Variants in SNED1 observed in about 807,000 individuals in gnomAD.
SNED1 encodes the protein sushi, nidogen and EGF like domains 1.
A neutral mutation model predicts 166.7 loss-of-function variants in SNED1; 81 were observed. The observed-to-expected ratio is 0.49, with a 90% CI of 0.41 to 0.58. SNED1 has a LOEUF of 0.58. Among genes scored for constraint, SNED1 ranks in the 20% least tolerant of loss-of-function variants. The pLI, the probability that SNED1 is intolerant of heterozygous loss-of-function variation, is 0.00. For synonymous variants in SNED1, 762 were observed against 822.0 expected (o/e 0.93, Z 1.25); for missense variants, 1,604 against 2,000.2 (o/e 0.80, Z 3.78).
chr2:241,073,278 C>T lies in SNED1; in HGVS notation c.3830C>T (p.Ser1277Leu), dbSNP rs1234525721. The T allele has an allele frequency of 1.0e-5, 16 of 1,558,776 alleles. No homozygotes were observed. Among genetic ancestry groups the T allele is most frequent in the Middle Eastern group, 3.3e-4 (2 of 6,016 alleles). The change falls in exon 27 of 32, where the codon TCG becomes TTG. Residue 1277 changes from serine to leucine, a missense_variant. Physicochemically the swap from Ser to Leu is moderately radical, Grantham distance 145. Around this residue, in one of 2 missense-constraint regions of SNED1, gnomAD observed 367 missense variants for 379.4 expected, o/e 0.97. Transcript: ENST00000310397. The surrounding 1 kb of genome is among the most constrained non-coding windows in gnomAD (Gnocchi z 6.6). ...TGGCTTCTCCTAGAACCCACAGCCT[C>T]GGCGCAGCTCGAGAACATGGAGGAA... is the stretch of plus-strand genomic sequence containing the variant. ...AATVRSQPTA[S>L]AQLENMEEAP...
chr2:241,049,808 C>G lies in SNED1; in HGVS notation c.1619-9C>G. The G allele has an allele frequency of 6.2e-7, 1 of 1,609,022 alleles. No homozygotes were observed. Among genetic ancestry groups the G allele is most frequent in the South Asian group, 1.1e-5 (1 of 90,984 alleles). On this transcript the variant is annotated splice_polypyrimidine_tract_variant and intron_variant, in intron 11 of 31. Coordinates refer to ENST00000310397, the MANE Select transcript of SNED1 (RefSeq NM_001080437.3). ...AGCTCCAGGACCACCCTCTGTCCCC[C>G]GCCCCCAGCCCTGCCATCACCCTGC... is the stretch of plus-strand genomic sequence containing the variant.
intron 27 of SNED1, among the ~76,000 whole-genome samples, chr2:241,080,239 G>A (rs894901089): frequency 4.6e-5 from 7 of 152,148 alleles, no homozygotes; most frequent in Admixed American, 1.3e-4. Flanking sequence ...AGCTGAGATC[G>A]CGACACTGCA....
chr2:241,065,960 G>A (rs879874944), intron 21 of SNED1, among the ~76,000 whole-genome samples: 2 of 152,132 alleles, frequency 1.3e-5, no homozygotes, highest in South Asian at 2.1e-4. Flanking sequence ...GGCTTGGGGG[G>A]GCTGGGACTC....
At chr2:241,076,536 T>C (rs2063027457) in intron 27 of SNED1, among the ~76,000 whole-genome samples, 1 of 152,210 alleles carries the variant, frequency 6.6e-6, no homozygotes, top group Non-Finnish European at 1.5e-5. Context: ...GTTTTCTATA[T>C]ATATATAAAA....
rs1228692569 is a variant in SNED1 at position 240,999,351 on chromosome 2, G to C, written c.213+301G>C. ...TCTTCCCGGCGCCTGATTCCCAGGG[G>C]AGAGCAGGGGTCCTGGTACTGCCCT... On this transcript the variant is annotated intron_variant, in intron 1 of 31. Transcript: ENST00000310397. The surrounding 1 kb of genome is among the most constrained non-coding windows in gnomAD (Gnocchi z 5.8). Among the ~76,000 whole-genome samples the C allele has an allele frequency of 6.6e-6, 1 of 152,070 alleles. No individual in the cohort carries two copies. Among genetic ancestry groups the C allele is most frequent in the Non-Finnish European group, 1.5e-5 (1 of 67,992 alleles).
intron 16 of SNED1, among the ~76,000 whole-genome samples, chr2:241,058,174 C>G (rs566770672): frequency 6.6e-6 from 1 of 151,982 alleles, no homozygotes; most frequent in African/African-American, 2.4e-5. Flanking sequence ...GAGTATAAGA[C>G]GAAAAGCATC....
Position 241,047,253 on chromosome 2 carries a change from C to T in SNED1, c.1274-1062C>T, listed in dbSNP as rs144903326. The stretch of plus-strand genomic sequence containing the variant: ...TTAAACTTTAGAATGGGGAATACTG[C>T]TGGGAATTAGGAGGGACCTTTTATA... On this transcript the variant is annotated intron_variant, in intron 8 of 31. Coordinates refer to ENST00000310397, the MANE Select transcript of SNED1 (RefSeq NM_001080437.3). 4.5e-3 allele frequency among the ~76,000 whole-genome samples: 688 copies of T among 151,416 alleles called. 5 individuals are homozygous for T. The highest frequency in any genetic ancestry group is 0.016 in the African/African-American group (643 of 41,236).
chr2:241,081,374 C>T (rs1234844575), intron 27 of SNED1, among the ~76,000 whole-genome samples: 1 of 152,118 alleles, frequency 6.6e-6, no homozygotes, highest in Non-Finnish European at 1.5e-5. Flanking sequence ...CTGAAGGCCC[C>T]GCTCCTCCCT....
At chr2:241,038,125 G>A (rs1252461197) in intron 6 of SNED1, among the ~76,000 whole-genome samples, 1 of 150,098 alleles carries the variant, frequency 6.7e-6, no homozygotes, top group East Asian at 2.0e-4. Context: ...AGGGAGCTTT[G>A]CAAAGGGAGC....
At chr2:241,087,209 A>C (rs1389451010) in intron 29 of SNED1, 183 bp from the exon 30 acceptor site, 5 of 585,108 alleles carry the variant, frequency 8.5e-6, no homozygotes, top group Non-Finnish European at 1.5e-5. Flanking sequence ...AATTTATTAC[A>C]AATCACATGA....
At position 241,018,922 on chromosome 2, in the gene SNED1, C is replaced by T. The variant is rs529920986; in HGVS notation, c.214-11362C>T. 8.5e-5 allele frequency among the ~76,000 whole-genome samples: 13 copies of T among 152,272 alleles called. No homozygotes were observed. The South Asian group carries it at 1.0e-3, about 12-fold the overall frequency. Reference sequence around the variant, plus strand: ...GAAAGAGCCTTATCAGGCCCAGAAACGGTCAGGGCCAAACCTCAAGGCTTC... The same window carrying T: ...GAAAGAGCCTTATCAGGCCCAGAAATGGTCAGGGCCAAACCTCAAGGCTTC... On this transcript the variant is annotated intron_variant, in intron 1 of 31. Transcript: ENST00000310397. This position sits in a 1 kb window ranked among gnomAD's most constrained non-coding sequence, Gnocchi z 5.4.
chr2:241,028,547 T>C (rs911339989), intron 1 of SNED1, among the ~76,000 whole-genome samples: 1 of 152,244 alleles, frequency 6.6e-6, no homozygotes, highest in Non-Finnish European at 1.5e-5. Flanking sequence ...AAAAAGACTG[T>C]CCTTTCCTCA....
In SNED1 at chr2:240,998,794, C is replaced by A; in HGVS notation, c.-44C>A. Reference sequence around the variant, plus strand: ...CCCCGCGCGCAGCCTAGTCCCCCAGCGCCCTGCTCCGCCAGCGCCCCGTCC... The same window carrying A: ...CCCCGCGCGCAGCCTAGTCCCCCAGAGCCCTGCTCCGCCAGCGCCCCGTCC... On this transcript the variant is annotated 5_prime_UTR_variant, in exon 1 of 32. Transcript: ENST00000310397. The A allele has an allele frequency of 1.9e-6, 2 of 1,036,374 alleles. No homozygotes were observed. Among genetic ancestry groups the A allele is most frequent in the Middle Eastern group, 4.1e-4 (1 of 2,458 alleles). The allele number at this position is 1,036,374 out of a possible 1,614,324, so 64.2% of individuals were successfully genotyped here. A position where few individuals can be genotyped will look rare whatever the true frequency, so the allele number is the denominator to read the frequency against.
chr2:241,044,036 C>T (rs2061582851), intron 8 of SNED1, among the ~76,000 whole-genome samples: 1 of 151,796 alleles, frequency 6.6e-6, no homozygotes, highest in African/African-American at 2.4e-5. Flanking sequence ...ATTGTAAACC[C>T]AAAACAAGTG....
chr2:241,030,699 CGTG>C (rs2061141172), intron 2 of SNED1, 128 bp downstream of exon 2: 2 of 1,024,370 alleles, frequency 2.0e-6, no homozygotes, highest in Non-Finnish European at 2.8e-6. Context: ...GAGGGGAACA[CGTG>C]GTCAAAACCA....
intron 1 of SNED1, among the ~76,000 whole-genome samples, chr2:241,023,869 C>CT (rs1164375420): frequency 8.8e-6 from 1 of 114,170 alleles, no homozygotes; most frequent in East Asian, 2.7e-4. Context: ...TATTTTCTCT[C>CT]TTTTTTTCTT....
intron 1 of SNED1, among the ~76,000 whole-genome samples, chr2:241,003,693 G>C (rs1002201613): frequency 2.0e-5 from 3 of 152,224 alleles, no homozygotes; most frequent in Non-Finnish European, 4.4e-5. Flanking sequence ...CTGCATGCTG[G>C]GCCCCATAAG....
At chr2:241,032,986 G>A (rs1054534562) in intron 2 of SNED1, among the ~76,000 whole-genome samples, 12 of 151,970 alleles carry the variant, frequency 7.9e-5, no homozygotes, top group South Asian at 2.1e-4. Context: ...TTAAGTATTC[G>A]GAAGCCCTTT....
chr2:241,088,534 G>A, intron 31 of SNED1, 132 bp downstream of exon 31: 2 of 752,098 alleles, frequency 2.7e-6, no homozygotes, highest in Non-Finnish European at 4.6e-6. Flanking sequence ...GTCCTGTGCT[G>A]CTGTGTTACA....
Sources: gnomAD v4.1 joint callset for allele counts (sites outside exome capture counted in the v4.1 genomes callset) on GRCh38, gnomAD v4.1.1 for gene constraint, gnomAD v4.1.1 regional missense constraint, Gnocchi (gnomAD v3.1) non-coding constraint, MANE v1.5 for transcripts, NCBI Gene and HGNC (gene_info 2026-07-23, HGNC 2026-07-21) for gene names.